Variants in KIZ observed in about 807,000 individuals in gnomAD.
KIZ encodes centrosomal protein kizuna.
Under a neutral mutation model 79.6 loss-of-function variants are expected in KIZ, and 68 were observed. The observed-to-expected ratio is 0.85, with a 90% confidence interval of 0.70 to 1.05. The LOEUF (loss-of-function observed/expected upper bound fraction) is 1.05, where lower values mean the gene tolerates loss of function less well. KIZ is among the 50% of genes least tolerant of loss of function. The probability of loss-of-function intolerance (pLI) is 0.00; values close to 1 mark genes in which losing one functional copy is unlikely to be tolerated. For missense variants in KIZ, 797 were observed against 800.4 expected (o/e 1.00, Z 0.05); for synonymous variants, 280 against 281.8 (o/e 0.99, Z 0.06).
intron 3 of KIZ, chr20:21,144,102 CTT>C (rs1407165850): frequency 6.6e-6 from 1 of 152,102 alleles, no homozygotes; most frequent in Non-Finnish European, 1.5e-5. Context: ...TTTAGGAAGA[CTT>C]TATGCAGTTA....
chr20:21,200,633 G>A (rs960839512), intron 6 of KIZ, among the ~76,000 whole-genome samples: 1 of 151,892 alleles, frequency 6.6e-6, no homozygotes, highest in Non-Finnish European at 1.5e-5. Flanking sequence ...AGAATCTAAT[G>A]CTCCCCCTGA....
chr20:21,219,855 C>T (rs550497209), intron 9 of KIZ, among the ~76,000 whole-genome samples: 76 of 152,244 alleles, frequency 5.0e-4, no homozygotes, highest in African/African-American at 1.8e-3. Flanking sequence ...CTTTGCTAAT[C>T]GTTATTATGG....
At chr20:21,145,255 G>C (rs573221630) in intron 3 of KIZ, among the ~76,000 whole-genome samples, 3 of 151,510 alleles carry the variant, frequency 2.0e-5, no homozygotes, top group Non-Finnish European at 4.4e-5. Flanking sequence ...TTGTGATAAA[G>C]TATCAAACTG....
chr20:21,227,939 C>A (rs2036710604), intron 9 of KIZ, among the ~76,000 whole-genome samples: 1 of 152,138 alleles, frequency 6.6e-6, no homozygotes. Flanking sequence ...AGCAAAGAAT[C>A]CCTGATCTGT....
At chr20:21,217,380 G>A (rs970511471) in intron 9 of KIZ, among the ~76,000 whole-genome samples, 2 of 152,204 alleles carry the variant, frequency 1.3e-5, no homozygotes, top group African/African-American at 4.8e-5. Context: ...ACTATTTGGA[G>A]ATTTCACTTT....
chr20:21,167,914 AAT>A (rs1600435733), intron 6 of KIZ, among the ~76,000 whole-genome samples: 1 of 152,174 alleles, frequency 6.6e-6, no homozygotes, highest in Non-Finnish European at 1.5e-5. Flanking sequence ...ACCATTAAAA[AAT>A]AGTTTCTTTT....
intron 1 of KIZ, among the ~76,000 whole-genome samples, chr20:21,128,411 C>G (rs2031620871): frequency 1.3e-5 from 2 of 152,148 alleles, no homozygotes; most frequent in Non-Finnish European, 2.9e-5. Flanking sequence ...GGGAGCAACC[C>G]TGGGTAGTCA....
intron 6 of KIZ, among the ~76,000 whole-genome samples, chr20:21,183,853 CCCTCTGATCTACT>C (rs1363635232): frequency 1.3e-5 from 2 of 152,166 alleles, no homozygotes; most frequent in Non-Finnish European, 2.9e-5. Flanking sequence ...TTCTCTGTTT[CCCTCTGATCTACT>C]CCGTCTGGAT....
At chr20:21,231,722 C>G (rs1308975953) in intron 10 of KIZ, among the ~76,000 whole-genome samples, 1 of 152,162 alleles carries the variant, frequency 6.6e-6, no homozygotes, top group Admixed American at 6.5e-5. Flanking sequence ...GGGTGTAGGG[C>G]AGCTTCACAG....
intron 4 of KIZ, chr20:21,151,085 A>C (rs2033095820): frequency 6.6e-6 from 1 of 152,172 alleles, no homozygotes; most frequent in African/African-American, 2.4e-5. Flanking sequence ...CAACCTTACA[A>C]AATAAGAACT....
rs565247442 is a variant in KIZ at position 21,182,224 on chromosome 20, CAAGA to C, written c.1352+19066_1352+19069del. Among the ~76,000 whole-genome samples, 775 of 152,260 alleles carry C rather than the reference CAAGA, an allele frequency of 5.1e-3. 3 individuals carry two copies. Among genetic ancestry groups the C allele is most frequent in the Non-Finnish European group, 8.7e-3 (592 of 67,994 alleles). ...TTAAATGCACTTATAAGAAGAGACA[CAAGA>C]GAGCTCTGTCTCGCCCCCACCGTCT... On this transcript the variant is annotated intron_variant, in intron 6 of 12. Transcript: ENST00000619189.
chr20:21,189,687 G>A (rs1336956616), intron 6 of KIZ, among the ~76,000 whole-genome samples: 6 of 152,178 alleles, frequency 3.9e-5, no homozygotes, highest in African/African-American at 7.2e-5. Flanking sequence ...TAGTACAGAC[G>A]GATGGTGCCC....
In KIZ at chr20:21,136,511, G is replaced by C. The variant is rs766002545; in HGVS notation, c.274G>C (p.Val92Leu). ...ATTTGAGCGTGTCCAAGCTCATGTT[G>C]TACACTTCACCACAAATACAGAGAA... ...KRFERVQAHV[V>L]HFTTNTEKLQ... Residue 92 changes from valine (V) to leucine (L), a missense_variant, in exon 3 of 13, where the codon GTA (valine) becomes CTA (leucine). Transcript: ENST00000619189. 4 of 1,598,012 alleles carry C rather than the reference G, an allele frequency of 2.5e-6. No individual in the cohort carries two copies. The Admixed American group carries it at 7.0e-5, about 28-fold the overall frequency.
chr20:21,217,159 A>G (rs2036324416), intron 9 of KIZ, among the ~76,000 whole-genome samples: 2 of 152,216 alleles, frequency 1.3e-5, no homozygotes, highest in South Asian at 4.1e-4. Flanking sequence ...TTTTTTAAAA[A>G]CTTAGCAAAG....
chr20:21,228,447 T>C (rs1160350544), intron 9 of KIZ, among the ~76,000 whole-genome samples: 1 of 152,210 alleles, frequency 6.6e-6, no homozygotes, highest in Non-Finnish European at 1.5e-5. Flanking sequence ...CTGATCCCTG[T>C]GGACACCTGG....
intron 6 of KIZ, chr20:21,197,707 A>G (rs2035402538): frequency 6.6e-6 from 1 of 152,252 alleles, no homozygotes; most frequent in Non-Finnish European, 1.5e-5. Context: ...GAGAGACAGT[A>G]TAGTTGCTGC....
At chr20:21,137,784 A>G (rs1281506462) in intron 3 of KIZ, among the ~76,000 whole-genome samples, 2 of 152,102 alleles carry the variant, frequency 1.3e-5, no homozygotes, top group Non-Finnish European at 2.9e-5. Context: ...TGATTCCACA[A>G]TTTGCTTTTT....
chr20:21,135,673 A>G (rs1446034109), intron 2 of KIZ, among the ~76,000 whole-genome samples: 1 of 152,240 alleles, frequency 6.6e-6, no homozygotes, highest in East Asian at 1.9e-4. Context: ...AACAGGGAAG[A>G]AGAGTTAGGA....
At chr20:21,168,386 G>C (rs2034052440) in intron 6 of KIZ, among the ~76,000 whole-genome samples, 2 of 152,120 alleles carry the variant, frequency 1.3e-5, no homozygotes, top group Admixed American at 6.5e-5. Flanking sequence ...AGATGTGAAG[G>C]ACCTCTTCAA....
Sources: gnomAD v4.1 joint callset for allele counts (sites outside exome capture counted in the v4.1 genomes callset) on GRCh38, gnomAD v4.1.1 for gene constraint, MANE v1.5 for transcripts, NCBI Gene and HGNC (gene_info 2026-07-23, HGNC 2026-07-21) for gene names.